Variants in LHPP observed in about 807,000 individuals in gnomAD.
LHPP encodes the protein phospholysine phosphohistidine inorganic pyrophosphate phosphatase.
Under a neutral mutation model 30.3 loss-of-function variants are expected in LHPP, and 24 were observed. That is an observed-to-expected ratio of 0.79 (90% CI 0.57 to 1.11). The LOEUF is 1.11. Ranked by LOEUF, LHPP falls within the 50% of genes most tolerant of loss-of-function variation. The pLI, the probability that LHPP is intolerant of heterozygous loss-of-function variation, is 0.00. For synonymous variants in LHPP, 150 were observed against 157.1 expected (o/e 0.95, Z 0.34); for missense variants, 356 against 367.2 (o/e 0.97, Z 0.25).
chr10:124,516,726 G>A (rs556762539), intron 5 of LHPP, among the ~76,000 whole-genome samples: 3 of 152,184 alleles, frequency 2.0e-5, no homozygotes, highest in African/African-American at 7.2e-5. Context: ...TGTTTTTAAG[G>A]CAATACCTTC....
At chr10:124,598,763 C>T (rs1007616723) in intron 6 of LHPP, among the ~76,000 whole-genome samples, 4 of 151,578 alleles carry the variant, frequency 2.6e-5, no homozygotes, top group Admixed American at 6.6e-5. Flanking sequence ...CTGTCCATCC[C>T]TGCCCATTCA....
chr10:124,508,940 C>T (rs552916713), intron 5 of LHPP, among the ~76,000 whole-genome samples: 3 of 152,016 alleles, frequency 2.0e-5, no homozygotes, highest in Non-Finnish European at 4.4e-5. Flanking sequence ...CATTGTGTGT[C>T]TTGGGGGTTT....
At chr10:124,471,903 G>A (rs1208489057) in intron 1 of LHPP, among the ~76,000 whole-genome samples, 1 of 150,240 alleles carries the variant, frequency 6.7e-6, no homozygotes, top group Middle Eastern at 3.4e-3. Context: ...CCAGTAGCTG[G>A]GATTATAGGT....
At chr10:124,518,468 C>T (rs1589822294) in intron 6 of LHPP, among the ~76,000 whole-genome samples, 1 of 152,244 alleles carries the variant, frequency 6.6e-6, no homozygotes, top group African/African-American at 2.4e-5. Flanking sequence ...CAGCGGACCT[C>T]GGGGCCCTAT....
In LHPP at chr10:124,492,591, C is replaced by G. The variant is rs367903313; in HGVS notation, c.467+4016C>G. On this transcript the variant is annotated intron_variant, in intron 3 of 6. Transcript: ENST00000368842. ...GGAATGTACTCTCCTCCTAGTTCACCGATTTAAATGTTAATCTCATCCAAA... is the reference window on the plus strand; with the variant it reads ...GGAATGTACTCTCCTCCTAGTTCACGGATTTAAATGTTAATCTCATCCAAA... Among the ~76,000 whole-genome samples the G allele has an allele frequency of 1.1e-4, 16 of 152,294 alleles. No homozygotes were observed. In the East Asian group the frequency reaches 2.5e-3, roughly 24 times the overall value.
chr10:124,469,696 T>G (rs767538689), intron 1 of LHPP, among the ~76,000 whole-genome samples: 1 of 152,100 alleles, frequency 6.6e-6, no homozygotes, highest in South Asian at 2.1e-4. Flanking sequence ...CAAGCAAACA[T>G]TGAGTGCCTC....
chr10:124,488,315 T>A, intron 2 of LHPP, 107 bp from the exon 3 acceptor site: 1 of 970,834 alleles, frequency 1.0e-6, no homozygotes, highest in Non-Finnish European at 1.6e-6. Flanking sequence ...AAGAAATGCA[T>A]CTGAGAAAGG....
At chr10:124,486,624 A>G (rs1173092257) in intron 2 of LHPP, among the ~76,000 whole-genome samples, 5 of 152,250 alleles carry the variant, frequency 3.3e-5, no homozygotes, top group African/African-American at 1.2e-4. Context: ...ACACATGGGA[A>G]GCATTGGCCA....
intron 6 of LHPP, among the ~76,000 whole-genome samples, chr10:124,602,172 G>A (rs1233626252): frequency 6.6e-6 from 1 of 152,218 alleles, no homozygotes; most frequent in East Asian, 1.9e-4. Flanking sequence ...CCCAGATTTC[G>A]ATTCTTGTGC....
intron 6 of LHPP, among the ~76,000 whole-genome samples, chr10:124,579,892 T>C (rs1948722523): frequency 6.6e-6 from 1 of 152,184 alleles, no homozygotes; most frequent in Non-Finnish European, 1.5e-5. Context: ...CCTCCAGCAG[T>C]AGGAAAGAAT....
intron 1 of LHPP, among the ~76,000 whole-genome samples, chr10:124,464,386 T>C (rs967417201): frequency 5.3e-5 from 8 of 152,198 alleles, no homozygotes; most frequent in African/African-American, 1.9e-4. Flanking sequence ...GCATGTCTGA[T>C]GTCTGGGAGC....
chr10:124,528,658 C>T (rs1187422324), intron 6 of LHPP, among the ~76,000 whole-genome samples: 1 of 152,244 alleles, frequency 6.6e-6, no homozygotes, highest in African/African-American at 2.4e-5. Context: ...AGTGCCTGGC[C>T]TTCCCCACTG....
chr10:124,507,918 T>G, intron 5 of LHPP, among the ~76,000 whole-genome samples: 6 of 72,986 alleles, frequency 8.2e-5, no homozygotes, highest in Non-Finnish European at 1.5e-4. Flanking sequence ...GGATTTCAGG[T>G]GGGGAGGGTA....
intron 6 of LHPP, among the ~76,000 whole-genome samples, chr10:124,542,216 G>C (rs978015049): frequency 6.6e-6 from 1 of 152,224 alleles, no homozygotes; most frequent in African/African-American, 2.4e-5. Context: ...AGTGGCTCTG[G>C]TGGGCACGGG....
At chr10:124,530,658 G>A (rs1046264163) in intron 6 of LHPP, among the ~76,000 whole-genome samples, 1 of 152,168 alleles carries the variant, frequency 6.6e-6, no homozygotes, top group African/African-American at 2.4e-5. Flanking sequence ...CATGCCCTGT[G>A]TGCCCTCTGC....
intron 6 of LHPP, among the ~76,000 whole-genome samples, chr10:124,577,745 C>G (rs1390060717): frequency 1.0e-5 from 1 of 98,154 alleles, no homozygotes; most frequent in East Asian, 4.2e-4. Flanking sequence ...CATACCTTCA[C>G]CTTCCTATCC....
chr10:124,494,663 C>T (rs1399543323), intron 3 of LHPP, among the ~76,000 whole-genome samples: 6 of 152,184 alleles, frequency 3.9e-5, no homozygotes, highest in Non-Finnish European at 8.8e-5. Context: ...CAAGGTGCTC[C>T]CTGGACCCGG....
chr10:124,607,415 C>T lies in LHPP; in HGVS notation c.717-5849C>T, dbSNP rs116273917. ...ACATAAAAGTCCACGATTTCCGCTG[C>T]GTGTGGGCAAACACCGGCCGGGTGC... On this transcript the variant is annotated intron_variant, in intron 6 of 6. Transcript: ENST00000368842. Among the ~76,000 whole-genome samples the T allele has an allele frequency of 5.9e-3, 900 of 152,382 alleles. 7 individuals carry two copies. Among genetic ancestry groups the T allele is most frequent in the African/African-American group, 0.021 (864 of 41,588 alleles).
intron 6 of LHPP, among the ~76,000 whole-genome samples, chr10:124,598,682 GA>G (rs1948984151): frequency 1.3e-5 from 2 of 150,354 alleles, no homozygotes; most frequent in Non-Finnish European, 3.0e-5. Flanking sequence ...TGTCCACCCT[GA>G]TGCAGTTCCT....
Sources: allele counts gnomAD v4.1 joint callset (sites outside exome capture counted in the v4.1 genomes callset), GRCh38; gene constraint gnomAD v4.1.1; transcripts MANE v1.5; gene names NCBI Gene and HGNC (gene_info 2026-07-23, HGNC 2026-07-21).